Variants in EXOC4 observed in about 807,000 individuals in gnomAD.
EXOC4 encodes SEC8-like 1.
EXOC4 carries 71 observed loss-of-function variants against 107.2 expected under a neutral mutation model. The observed-to-expected ratio is 0.66, with a 90% CI of 0.55 to 0.81. The LOEUF (loss-of-function observed/expected upper bound fraction) is 0.81. Ranked by LOEUF, EXOC4 falls within the 30% of genes least tolerant of loss-of-function variation. The probability of loss-of-function intolerance (pLI) is 0.00; values close to 1 mark genes in which losing one functional copy is unlikely to be tolerated. For missense variants in EXOC4, 1,108 were observed against 1,189.6 expected, an observed-to-expected ratio of 0.93 and a Z score of 1.01; for synonymous variants, 456 against 441.2, an observed-to-expected ratio of 1.03 and a Z score of -0.42.
At chr7:133,510,587 T>G (rs1446704047) in intron 9 of EXOC4, among the ~76,000 whole-genome samples, 1 of 152,162 alleles carries the variant, frequency 6.6e-6, no homozygotes, top group East Asian at 1.9e-4. Context: ...GCTGTGAGGA[T>G]TAAATGAAAT....
intron 14 of EXOC4, among the ~76,000 whole-genome samples, chr7:133,957,124 A>G (rs1390516308): frequency 1.3e-5 from 2 of 152,220 alleles, no homozygotes; most frequent in Admixed American, 1.3e-4. Context: ...TAAGTTTTCA[A>G]TGCAAGTGTT....
At chr7:133,726,013 T>TG in intron 10 of EXOC4, among the ~76,000 whole-genome samples, 1 of 152,222 alleles carries the variant, frequency 6.6e-6, no homozygotes. Context: ...GAAGCAGATT[T>TG]GGGAGAAACT....
rs574339366 is a variant in EXOC4 at position 133,869,786 on chromosome 7, C to T, written c.1735-25813C>T. 2.0e-5 allele frequency among the ~76,000 whole-genome samples: 3 copies of T among 152,320 alleles called. No individual in the cohort carries two copies. The East Asian group carries it at 5.8e-4, about 29-fold the overall frequency. The stretch of plus-strand genomic sequence containing the variant: ...AATAAAACTGAAAGGGCCTCAGTCT[C>T]AGTGTTGGCTTCACCAAAGCCAACC... On this transcript the variant is annotated intron_variant, in intron 11 of 17. Transcript: ENST00000253861.
At chr7:133,311,129 A>G (rs1040809978) in intron 4 of EXOC4, among the ~76,000 whole-genome samples, 1 of 152,198 alleles carries the variant, frequency 6.6e-6, no homozygotes, top group Non-Finnish European at 1.5e-5. Flanking sequence ...TTCTTAGCTC[A>G]TGAAGATGTC....
intron 12 of EXOC4, among the ~76,000 whole-genome samples, chr7:133,901,904 A>G (rs1799459792): frequency 6.6e-6 from 1 of 152,058 alleles, no homozygotes. Flanking sequence ...GTTAGGACCC[A>G]CTTCTCCCAA....
At chr7:133,362,545 T>C (rs1648351051) in intron 6 of EXOC4, among the ~76,000 whole-genome samples, 1 of 152,350 alleles carries the variant, frequency 6.6e-6, no homozygotes, top group Admixed American at 6.5e-5. Flanking sequence ...CAGAAATACG[T>C]TGAATTATTG....
At chr7:133,764,794 G>A (rs922070768) in intron 10 of EXOC4, among the ~76,000 whole-genome samples, 4 of 152,054 alleles carry the variant, frequency 2.6e-5, no homozygotes, top group Non-Finnish European at 4.4e-5. Context: ...TGCTCATCTG[G>A]AGAATGATGA....
At chr7:133,337,471 C>G in intron 5 of EXOC4, among the ~76,000 whole-genome samples, 1 of 151,926 alleles carries the variant, frequency 6.6e-6, no homozygotes, top group East Asian at 1.9e-4. Flanking sequence ...ATTTTTGTCT[C>G]TAGTGAGATG....
chr7:133,913,056 G>A (rs1799731620), intron 12 of EXOC4, among the ~76,000 whole-genome samples: 1 of 152,106 alleles, frequency 6.6e-6, no homozygotes, highest in Admixed American at 6.5e-5. Context: ...TTGACAAGTA[G>A]AGGCAAACAA....
intron 17 of EXOC4, among the ~76,000 whole-genome samples, chr7:134,035,617 A>T (rs1423589237): frequency 6.6e-6 from 1 of 152,148 alleles, no homozygotes. Context: ...AAGTGACTTT[A>T]AACTTTTTTT....
intron 9 of EXOC4, chr7:133,484,255 A>T (rs1799223992): frequency 1.5e-6 from 2 of 1,302,710 alleles, no homozygotes; most frequent in East Asian, 5.4e-5. Context: ...TATGGTACAG[A>T]TGGTTCATTA....
chr7:133,331,025 G>A (rs181891341), intron 5 of EXOC4, among the ~76,000 whole-genome samples: 1 of 151,902 alleles, frequency 6.6e-6, no homozygotes, highest in Non-Finnish European at 1.5e-5. Flanking sequence ...GACGTAGTTA[G>A]GGCAGGTACT....
chr7:134,068,643 A>C (rs994314383), downstream of EXOC4, among the ~76,000 whole-genome samples: 8 of 152,160 alleles, frequency 5.3e-5, no homozygotes, highest in Non-Finnish European at 1.0e-4. Context: ...ATTACTACTA[A>C]TCTGGTGGGA....
At chr7:133,582,582 A>G (rs963368518) in intron 9 of EXOC4, among the ~76,000 whole-genome samples, 2 of 147,302 alleles carry the variant, frequency 1.4e-5, no homozygotes, top group Admixed American at 1.4e-4. Flanking sequence ...CAATTGCTCT[A>G]TTTTTTTTTT....
intron 7 of EXOC4, among the ~76,000 whole-genome samples, chr7:133,435,178 C>T (rs1797940479): frequency 6.6e-6 from 1 of 152,060 alleles, no homozygotes; most frequent in Non-Finnish European, 1.5e-5. Context: ...GCTTTGGTTG[C>T]ACTTTTGCAC....
At position 133,288,967 on chromosome 7, in the gene EXOC4, C is replaced by A. The variant is rs550387931; in HGVS notation, c.322C>A (p.Arg108=). ...ATGCAAGATGCTGCTGCACTGCAAA[C>A]GGGATGAGCTTCGGAAACTGTGGAT... ...LSCKMLLHCK[R]DELRKLWIEG... is the part of the protein sequence containing the mutation. Residue 108 remains arginine, a synonymous_variant, in exon 3 of 18, where the codon CGG becomes AGG. Transcript: ENST00000253861. 6.2e-7 allele frequency: 1 copy of A among 1,614,010 alleles called. No homozygotes were observed. The highest frequency in any genetic ancestry group is 1.3e-5 in the African/African-American group (1 of 74,914).
intron 9 of EXOC4, among the ~76,000 whole-genome samples, chr7:133,614,671 A>C (rs1427600571): frequency 6.6e-6 from 1 of 151,964 alleles, no homozygotes; most frequent in Non-Finnish European, 1.5e-5. Context: ...ATGCCATGAA[A>C]ACCACCAAAC....
Position 133,280,168 on chromosome 7 carries a change from C to G in EXOC4, c.276+4997C>G, listed in dbSNP as rs148110981. 8.4e-3 allele frequency among the ~76,000 whole-genome samples: 1,273 copies of G among 152,268 alleles called. 13 individuals carry two copies. Among genetic ancestry groups the G allele is most frequent in the African/African-American group, 0.029 (1,189 of 41,556 alleles). ...AGAGACGAGGTCTCAACAGAAGGCT[C>G]ATAGGCTCAGCCTTGATACCATGTA... On this transcript the variant is annotated intron_variant, in intron 2 of 17. Transcript: ENST00000253861.
intron 10 of EXOC4, among the ~76,000 whole-genome samples, chr7:133,711,407 C>G (rs1794890255): frequency 6.6e-6 from 1 of 152,132 alleles, no homozygotes; most frequent in Non-Finnish European, 1.5e-5. Flanking sequence ...GAAGGATGCA[C>G]AAACTGAAAC....
Sources: allele counts gnomAD v4.1 joint callset (sites outside exome capture counted in the v4.1 genomes callset), GRCh38; gene constraint gnomAD v4.1.1; transcripts MANE v1.5; gene names NCBI Gene and HGNC (gene_info 2026-07-23, HGNC 2026-07-21).